Variants in BZW2 observed in about 807,000 individuals in gnomAD.
The protein encoded by BZW2 is eIF5-mimic protein 1.
A neutral mutation model predicts 53.2 loss-of-function variants in BZW2; 23 were observed. The observed-to-expected ratio is 0.43, with a 90% CI of 0.31 to 0.61. The LOEUF (loss-of-function observed/expected upper bound fraction) is 0.61. Among genes scored for constraint, BZW2 ranks in the 20% least tolerant of loss-of-function variants. BZW2 has a pLI of 0.09. For synonymous variants in BZW2, 227 were observed against 186.4 expected (o/e 1.22, Z -1.77); for missense variants, 409 against 503.1 (o/e 0.81, Z 1.79).
chr7:16,661,125 A>G (rs375095582), intron 1 of BZW2: 1 of 152,120 alleles, frequency 6.6e-6, no homozygotes, highest in Non-Finnish European at 1.5e-5. Flanking sequence ...GTAATATAGC[A>G]TGTTACGTAA....
chr7:16,696,734 T>C (rs1162036364), intron 8 of BZW2, among the ~76,000 whole-genome samples, 181 bp from the exon 9 acceptor site: 1 of 152,174 alleles, frequency 6.6e-6, no homozygotes, highest in East Asian at 1.9e-4. Context: ...TAAATTTGCT[T>C]TGAGAACAAA....
At chr7:16,697,199 C>T (rs1004462113) in intron 9 of BZW2, 138 bp downstream of exon 9, 3 of 959,856 alleles carry the variant, frequency 3.1e-6, no homozygotes, top group Non-Finnish European at 4.5e-6. Context: ...AAGCCACCCT[C>T]CCTCCTCAGC....
intron 6 of BZW2, 134 bp downstream of exon 6, chr7:16,686,174 G>T (rs1255585701): frequency 2.1e-5 from 29 of 1,354,750 alleles, no homozygotes; most frequent in Middle Eastern, 2.2e-4. Context: ...ATCTTTGTAT[G>T]GGTGTATATT....
intron 10 of BZW2, chr7:16,700,780 G>T (rs1449274484): frequency 3.9e-5 from 6 of 152,162 alleles, no homozygotes; most frequent in Non-Finnish European, 1.5e-5. Flanking sequence ...TGTCTTCTCT[G>T]CTTCTTTTAC....
At chr7:16,689,710 A>G (rs1783241253) in intron 6 of BZW2, 87 bp from the exon 7 acceptor site, 2 of 1,070,102 alleles carry the variant, frequency 1.9e-6, no homozygotes, top group South Asian at 1.8e-5. Flanking sequence ...AGTTATTTAC[A>G]CATTTCAGGA....
chr7:16,677,781 A>G (rs556678163), intron 3 of BZW2, among the ~76,000 whole-genome samples: 18 of 152,292 alleles, frequency 1.2e-4, no homozygotes, highest in African/African-American at 4.1e-4. Context: ...GGCCTGGTCC[A>G]GTAAATAATA....
At chr7:16,664,012 A>G (rs1782343949) in intron 1 of BZW2, among the ~76,000 whole-genome samples, 1 of 152,222 alleles carries the variant, frequency 6.6e-6, no homozygotes, top group Non-Finnish European at 1.5e-5. Flanking sequence ...GCCTTCTTAA[A>G]TTGTTATTGC....
Position 16,681,385 on chromosome 7 carries a change from C to G in BZW2, c.320C>G (p.Thr107Ser), listed in dbSNP as rs765620126. 1 of 1,613,874 alleles carries G rather than the reference C, an allele frequency of 6.2e-7. No individual in the cohort carries two copies. The highest frequency in any genetic ancestry group is 8.5e-7 in the Non-Finnish European group (1 of 1,179,850). The change falls in exon 4 of 12, where the codon ACC becomes AGC. Residue 107 changes from threonine (T) to serine (S), a missense_variant. By Grantham distance (58) the Thr-to-Ser change is moderately conservative. This residue lies in a region of BZW2 where 316 missense variants were observed against 366.8 expected (regional missense o/e 0.86). Transcript: ENST00000258761. ...TTTTCAGCAAATGAAGATCATGAAA[C>G]CATCCGAAACTATGCTCAGGTAGAG... ...CVFSANEDHE[T>S]IRNYAQVFNK...
chr7:16,648,004 T>C (rs898506759), intron 1 of BZW2, among the ~76,000 whole-genome samples: 2 of 152,236 alleles, frequency 1.3e-5, no homozygotes, highest in Non-Finnish European at 2.9e-5. Context: ...TAGTGCTCTC[T>C]GAATACATGA....
At chr7:16,680,091 C>T (rs1053877801) in intron 3 of BZW2, among the ~76,000 whole-genome samples, 2 of 152,078 alleles carry the variant, frequency 1.3e-5, no homozygotes, top group African/African-American at 4.8e-5. Flanking sequence ...GCATCGGAGT[C>T]CATGCTATTC....
intron 6 of BZW2, among the ~76,000 whole-genome samples, chr7:16,688,133 G>A (rs1421836502): frequency 6.6e-6 from 1 of 151,976 alleles, no homozygotes; most frequent in Non-Finnish European, 1.5e-5. Flanking sequence ...TTACTTTCCA[G>A]TTGCTGGAAG....
chr7:16,698,846 A>C (rs566227872), intron 10 of BZW2, among the ~76,000 whole-genome samples: 18 of 152,342 alleles, frequency 1.2e-4, no homozygotes, highest in African/African-American at 4.1e-4. Context: ...GTGAGGGAGA[A>C]AAAGGAACAC....
intron 1 of BZW2, among the ~76,000 whole-genome samples, chr7:16,655,925 G>C (rs960324958): frequency 6.6e-6 from 1 of 151,826 alleles, no homozygotes; most frequent in African/African-American, 2.4e-5. Flanking sequence ...TACACTTTCT[G>C]CCTTTATCTC....
chr7:16,704,398 A>G (rs1390444781), intron 10 of BZW2, 149 bp from the exon 11 acceptor site: 2 of 786,590 alleles, frequency 2.5e-6, no homozygotes, highest in African/African-American at 1.7e-5. Flanking sequence ...ACTATGCTAC[A>G]TGAAAATCAA....
At chr7:16,676,956 C>T (rs2128359695) in intron 3 of BZW2, among the ~76,000 whole-genome samples, 1 of 152,220 alleles carries the variant, frequency 6.6e-6, no homozygotes, top group East Asian at 1.9e-4. Context: ...CATCGTTAAC[C>T]ACCTCCCCAT....
chr7:16,697,066 C>G lies in BZW2; in HGVS notation c.969+5C>G. The G allele has an allele frequency of 6.2e-7, 1 of 1,613,098 alleles. No individual in the cohort carries two copies. Among genetic ancestry groups the G allele is most frequent in the African/African-American group, 1.3e-5 (1 of 74,990 alleles). On this transcript the variant is annotated splice_donor_5th_base_variant and intron_variant, in intron 9 of 11. Transcript: ENST00000258761. ...CAGGCTCTGAAGCACCTGAAGGTAACAGCCCTTAGCAAGGAACTGACCCAG... is the reference window on the plus strand; with the variant it reads ...CAGGCTCTGAAGCACCTGAAGGTAAGAGCCCTTAGCAAGGAACTGACCCAG...
chr7:16,694,750 C>G (rs930074660), intron 7 of BZW2, 84 bp from the exon 8 acceptor site: 6 of 1,119,684 alleles, frequency 5.4e-6, no homozygotes, highest in Non-Finnish European at 7.4e-6. Context: ...GTGAGATATT[C>G]TAAGTGAAAT....
chr7:16,695,260 T>A (rs1017407628), intron 8 of BZW2, among the ~76,000 whole-genome samples: 6 of 152,252 alleles, frequency 3.9e-5, no homozygotes, highest in African/African-American at 1.4e-4. Flanking sequence ...GCTGCTATGA[T>A]TTTCAAAATA....
chr7:16,696,021 G>A (rs1783473710), intron 8 of BZW2: 1 of 152,164 alleles, frequency 6.6e-6, no homozygotes, highest in Non-Finnish European at 1.5e-5. Context: ...GCCAGCACAG[G>A]GACTGGGACT....
Sources: gnomAD v4.1 joint callset for allele counts (sites outside exome capture counted in the v4.1 genomes callset) on GRCh38, gnomAD v4.1.1 for gene constraint, gnomAD v4.1.1 regional missense constraint, MANE v1.5 for transcripts, NCBI Gene and HGNC (gene_info 2026-07-23, HGNC 2026-07-21) for gene names.